Variants in UNC13B observed in about 807,000 individuals in gnomAD.
The protein encoded by UNC13B is unc-13 homolog B.
In UNC13B, 144 loss-of-function variants were observed where a neutral mutation model predicts 211.0. The ratio of observed to expected loss-of-function variants is 0.68; its 90% confidence interval spans 0.60 to 0.78. The LOEUF is 0.78. Ranked by LOEUF, UNC13B falls within the 30% of genes least tolerant of loss-of-function variation. UNC13B has a pLI of 0.00. For synonymous variants in UNC13B, 709 were observed against 725.8 expected, an observed-to-expected ratio of 0.98 and a Z score of 0.37; for missense variants, 1,777 against 2,002.0, an observed-to-expected ratio of 0.89 and a Z score of 2.14.
intron 1 of UNC13B, among the ~76,000 whole-genome samples, chr9:35,225,211 A>G (rs912780412): frequency 6.6e-6 from 1 of 152,080 alleles, no homozygotes; most frequent in African/African-American, 2.4e-5. Flanking sequence ...CCCCCGCTGG[A>G]GTGTGGTGGT....
intron 11 of UNC13B, chr9:35,342,301 T>C (rs1454913315): frequency 2.0e-6 from 2 of 985,680 alleles, no homozygotes; most frequent in African/African-American, 1.7e-5. Flanking sequence ...GTTTTAATTT[T>C]TTTTTTTAAT....
At chr9:35,167,145 A>G (rs548353609) in intron 1 of UNC13B, among the ~76,000 whole-genome samples, 1 of 151,264 alleles carries the variant, frequency 6.6e-6, no homozygotes, top group African/African-American at 2.4e-5. Flanking sequence ...GCGCGATCTC[A>G]GCTCACTGCA....
rs1199654493 is a variant in UNC13B, at chr9:35,302,056, T to G, written c.2652T>G (p.Ile884Met). ...KQQELKEKGS[I>M]FPLFKFSFTD... ...AGGAGTTAAAAGAGAAAGGAAGCAT[T>G]TTTCCTTTGTTTAAATTTTCTTTCA... is the stretch of plus-strand genomic sequence containing the variant. The change falls in exon 9 of 40, where the codon ATT (isoleucine) becomes ATG (methionine). Residue 884 changes from isoleucine to methionine, a missense_variant. Physicochemically the swap from Ile to Met is conservative, Grantham distance 10. Transcript: ENST00000635942. The G allele has an allele frequency of 5.0e-6, 2 of 398,678 alleles. No individual in the cohort carries two copies. 24.7% of individuals were successfully genotyped at this position (398,678 alleles called of 1,614,324 possible).
chr9:35,287,385 A>C (rs1587544886), intron 7 of UNC13B, among the ~76,000 whole-genome samples: 1 of 149,900 alleles, frequency 6.7e-6, no homozygotes, highest in Admixed American at 6.6e-5. Flanking sequence ...GCCCACCTCA[A>C]CCTCCCAAAG....
Position 35,261,746 on chromosome 9 carries a change from C to T in UNC13B, c.526+2696C>T, listed in dbSNP as rs1827287855. ...AGATAACTATTTTTGTACGCATTAACCGTCCCTAATCTCCTCTTACCCCTA... is the reference window on the plus strand; with the variant it reads ...AGATAACTATTTTTGTACGCATTAATCGTCCCTAATCTCCTCTTACCCCTA... On this transcript the variant is annotated intron_variant, in intron 7 of 39. Coordinates refer to ENST00000635942, the MANE Select transcript of UNC13B (RefSeq NM_001371189.2). Among the ~76,000 whole-genome samples the T allele has an allele frequency of 3.3e-5, 5 of 152,074 alleles. No individual in the cohort carries two copies. The South Asian group carries it at 1.0e-3, about 31-fold the overall frequency.
intron 7 of UNC13B, among the ~76,000 whole-genome samples, chr9:35,274,303 G>A (rs1321569264): frequency 1.3e-5 from 2 of 151,984 alleles, no homozygotes; most frequent in African/African-American, 4.8e-5. Context: ...CAAACTCCTG[G>A]CCTCAAGCTA....
At chr9:35,177,416 AT>A (rs1434886251) in intron 1 of UNC13B, among the ~76,000 whole-genome samples, 2 of 152,156 alleles carry the variant, frequency 1.3e-5, no homozygotes, top group Admixed American at 1.3e-4. Context: ...TTCTACTTTG[AT>A]TTGTTTGAAT....
chr9:35,188,500 A>G (rs1018703374), intron 1 of UNC13B, among the ~76,000 whole-genome samples: 1 of 152,178 alleles, frequency 6.6e-6, no homozygotes, highest in African/African-American at 2.4e-5. Flanking sequence ...TAACTTAAAG[A>G]ATATCGGACA....
rs117252818 is a variant in UNC13B, at chr9:35,198,219, C to T, written c.23-29796C>T. On this transcript the variant is annotated intron_variant, in intron 1 of 39. Transcript: ENST00000635942. ...GGTGGTAGGTGATGGATCATGGGAG[C>T]GGAGTTCTCATGAATAGGTCAGCAC... is the stretch of plus-strand genomic sequence containing the variant. Among the ~76,000 whole-genome samples the T allele has an allele frequency of 3.3e-3, 507 of 152,276 alleles. 1 individual carries two copies. Among genetic ancestry groups the T allele is most frequent in the Non-Finnish European group, 5.8e-3 (397 of 68,014 alleles).
Position 35,404,346 on chromosome 9 carries a change from C to T in UNC13B, c.*313C>T. 1 of 385,012 alleles carries T rather than the reference C, an allele frequency of 2.6e-6. No homozygotes were observed. Among genetic ancestry groups the T allele is most frequent in the Non-Finnish European group, 4.8e-6 (1 of 208,330 alleles). 23.8% of individuals were successfully genotyped at this position (385,012 alleles called of 1,614,324 possible). The stretch of plus-strand genomic sequence containing the variant: ...TCTTGGTAGACACCTCTCCACTCCT[C>T]ATCCCACCTCTACCCATCTCCATGC... On this transcript the variant is annotated 3_prime_UTR_variant, in exon 40 of 40. Transcript: ENST00000635942.
At chr9:35,384,117 G>C in intron 21 of UNC13B, 129 bp from the exon 22 acceptor site, 1 of 1,408,708 alleles carries the variant, frequency 7.1e-7, no homozygotes, top group South Asian at 1.5e-5. Context: ...CATGGGCAGG[G>C]ATGTGTCTCC....
At chr9:35,354,051 A>G (rs552195411) in intron 11 of UNC13B, among the ~76,000 whole-genome samples, 1 of 152,362 alleles carries the variant, frequency 6.6e-6, no homozygotes, top group Admixed American at 6.5e-5. Context: ...AGCAAGAGGA[A>G]GCCGTCCTTA....
chr9:35,183,064 G>T (rs1477727589), intron 1 of UNC13B, among the ~76,000 whole-genome samples: 6 of 103,782 alleles, frequency 5.8e-5, no homozygotes, highest in Admixed American at 2.8e-4. Flanking sequence ...GGGCGGCCGG[G>T]CAGAGGCGCT....
intron 7 of UNC13B, among the ~76,000 whole-genome samples, chr9:35,285,129 G>A (rs994757973): frequency 6.6e-6 from 1 of 152,166 alleles, no homozygotes; most frequent in African/African-American, 2.4e-5. Flanking sequence ...ATGTACTTTC[G>A]TCTTAGAACT....
At chr9:35,225,621 T>C (rs1041529058) in intron 1 of UNC13B, among the ~76,000 whole-genome samples, 2 of 152,100 alleles carry the variant, frequency 1.3e-5, no homozygotes, top group Non-Finnish European at 2.9e-5. Context: ...GGTGCAGTAG[T>C]GTAGTCTCCG....
intron 1 of UNC13B, among the ~76,000 whole-genome samples, chr9:35,172,516 G>A (rs1265854609): frequency 6.6e-6 from 1 of 152,136 alleles, no homozygotes. Flanking sequence ...TGCTCTGGAT[G>A]AGGAAGGTTA....
intron 1 of UNC13B, among the ~76,000 whole-genome samples, 182 bp downstream of exon 1, chr9:35,162,487 A>G (rs1183470482): frequency 6.6e-6 from 1 of 152,192 alleles, no homozygotes; most frequent in Non-Finnish European, 1.5e-5. Flanking sequence ...TTTTCCCCCA[A>G]GCTCCTGCAA....
At chr9:35,231,491 G>A (rs1394830180) in intron 3 of UNC13B, among the ~76,000 whole-genome samples, 1 of 152,022 alleles carries the variant, frequency 6.6e-6, no homozygotes, top group Non-Finnish European at 1.5e-5. Context: ...ATTTGTGTTG[G>A]TGAAAAACTA....
Position 35,162,060 on chromosome 9 carries a change from T to TC in UNC13B, c.-220dup. ...GATGGCGTCGCTGTGCCGCGCCCAG[T>TC]CCCCAGCCTGCCGGCCGGTACTCAC... On this transcript the variant is annotated 5_prime_UTR_variant, in exon 1 of 40. It removes the in-frame stop codon of an upstream open reading frame in the 5' UTR. Transcript: ENST00000635942. 1 of 600,700 alleles carries TC rather than the reference T, an allele frequency of 1.7e-6. No individual in the cohort carries two copies. The highest frequency in any genetic ancestry group is 2.0e-5 in the South Asian group (1 of 48,822). 37.2% of individuals were successfully genotyped at this position (600,700 alleles called of 1,614,324 possible).
Sources: allele counts gnomAD v4.1 joint callset (sites outside exome capture counted in the v4.1 genomes callset), GRCh38; gene constraint gnomAD v4.1.1; transcripts MANE v1.5; gene names NCBI Gene and HGNC (gene_info 2026-07-23, HGNC 2026-07-21).